ARFIP1: variants seen among roughly 807,000 people sequenced by gnomAD.
ARFIP1 encodes the protein ARF interacting protein 1, also known as arfaptin-1.
In ARFIP1, 24 loss-of-function variants were observed where a neutral mutation model predicts 42.5. The ratio of observed to expected loss-of-function variants is 0.57; its 90% CI spans 0.41 to 0.80. The LOEUF (loss-of-function observed/expected upper bound fraction) is 0.80. ARFIP1 is among the 30% of genes least tolerant of loss of function. The pLI is 0.00. For synonymous variants in ARFIP1, 141 were observed against 153.7 expected, an observed-to-expected ratio of 0.92 and a Z score of 0.61; for missense variants, 354 against 434.0, an observed-to-expected ratio of 0.82 and a Z score of 1.64.
chr4:152,880,496 C>T (rs1372179564), intron 5 of ARFIP1, among the ~76,000 whole-genome samples: 1 of 152,044 alleles, frequency 6.6e-6, no homozygotes, highest in African/African-American at 2.4e-5. Flanking sequence ...TCATTCCTTC[C>T]TTCCTGTTTC....
chr4:152,909,850 T>A (rs766336303), intron 8 of ARFIP1, among the ~76,000 whole-genome samples: 1 of 152,224 alleles, frequency 6.6e-6, no homozygotes, highest in Non-Finnish European at 1.5e-5. Context: ...ATCTTAAAAC[T>A]GACCTATTCT....
intron 8 of ARFIP1, among the ~76,000 whole-genome samples, chr4:152,896,851 T>C (rs541527368): frequency 6.6e-6 from 1 of 152,362 alleles, no homozygotes; most frequent in Admixed American, 6.5e-5. Context: ...AAATATAGTC[T>C]TTAATTTTCC....
At chr4:152,822,296 T>TA (rs70949618) in intron 1 of ARFIP1, among the ~76,000 whole-genome samples, 1,829 of 65,426 alleles carry the variant, frequency 0.028, 57 homozygotes, top group African/African-American at 0.07. Flanking sequence ...GCAACAGCAG[T>TA]AAAAAAAAAA....
chr4:152,787,671 C>T (rs1175818453), intron 1 of ARFIP1, among the ~76,000 whole-genome samples: 1 of 152,184 alleles, frequency 6.6e-6, no homozygotes, highest in African/African-American at 2.4e-5. Context: ...TGTATACAAA[C>T]TTTGTTTCAT....
intron 1 of ARFIP1, among the ~76,000 whole-genome samples, chr4:152,812,387 C>A (rs1729538472): frequency 6.6e-6 from 1 of 152,168 alleles, no homozygotes; most frequent in Non-Finnish European, 1.5e-5. Flanking sequence ...CAGACAGGGT[C>A]TCCCTATGTT....
intron 1 of ARFIP1, among the ~76,000 whole-genome samples, chr4:152,794,933 C>A (rs1731345513): frequency 6.6e-6 from 1 of 152,120 alleles, no homozygotes; most frequent in Non-Finnish European, 1.5e-5. Context: ...AAACCCCCAT[C>A]TGTTTTTGAA....
At chr4:152,826,433 G>A (rs555341051) in intron 1 of ARFIP1, among the ~76,000 whole-genome samples, 5 of 152,202 alleles carry the variant, frequency 3.3e-5, no homozygotes, top group South Asian at 4.2e-4. Context: ...GGTACACGAA[G>A]CCACACAGAG....
intron 1 of ARFIP1, among the ~76,000 whole-genome samples, chr4:152,803,533 G>A (rs1357624864): frequency 6.6e-6 from 1 of 152,130 alleles, no homozygotes; most frequent in East Asian, 1.9e-4. Flanking sequence ...AATGGTGGGT[G>A]GTGGGGAGGT....
chr4:152,906,368 C>T (rs189824291), intron 8 of ARFIP1, among the ~76,000 whole-genome samples: 1 of 152,350 alleles, frequency 6.6e-6, no homozygotes, highest in East Asian at 1.9e-4. Context: ...ATGCCTGCCC[C>T]TCTCACAGTC....
At position 152,877,082 on chromosome 4, in the gene ARFIP1, C is replaced by A. The variant is rs1735416577; in HGVS notation, c.412-3881C>A. The stretch of plus-strand genomic sequence containing the variant: ...AAGGGAATCGTGCGATCAGAGCCCC[C>A]CACACAGAGTCCCTACTGGGGCACC... On this transcript the variant is annotated intron_variant, in intron 5 of 8. Coordinates refer to ENST00000353617, the MANE Select transcript of ARFIP1 (RefSeq NM_001025595.3). Among the ~76,000 whole-genome samples the A allele has an allele frequency of 2.0e-5, 3 of 152,170 alleles. No homozygotes were observed. In the South Asian group the frequency reaches 6.2e-4, roughly 31 times the overall value.
At chr4:152,865,088 A>G (rs562644379) in intron 3 of ARFIP1, among the ~76,000 whole-genome samples, 5 of 152,046 alleles carry the variant, frequency 3.3e-5, no homozygotes, top group South Asian at 2.1e-4. Context: ...TGAAGAAACA[A>G]TTATGTCCAT....
chr4:152,830,091 A>G lies in ARFIP1; in HGVS notation c.93+365A>G, dbSNP rs113441487. Among the ~76,000 whole-genome samples, 545 of 152,312 alleles carry G rather than the reference A, an allele frequency of 3.6e-3. 1 individual carries two copies. Among genetic ancestry groups the G allele is most frequent in the Non-Finnish European group, 6.5e-3 (441 of 68,010 alleles). ...ATATGTCATTTAGTACATAATTTCT[A>G]AATAGCCACTTCTGATTTTGCTGTT... On this transcript the variant is annotated intron_variant, in intron 2 of 8. Coordinates refer to ENST00000353617, the MANE Select transcript of ARFIP1 (RefSeq NM_001025595.3).
chr4:152,793,749 TG>T (rs1238327473), intron 1 of ARFIP1, among the ~76,000 whole-genome samples: 1 of 152,188 alleles, frequency 6.6e-6, no homozygotes, highest in Admixed American at 6.5e-5. Context: ...TGATAAACTG[TG>T]GGAAGCTAAA....
At chr4:152,833,151 G>C (rs1731379105) in intron 2 of ARFIP1, among the ~76,000 whole-genome samples, 1 of 151,676 alleles carries the variant, frequency 6.6e-6, no homozygotes, top group Non-Finnish European at 1.5e-5. Context: ...ATCTGATAAA[G>C]TGTTAATATC....
chr4:152,897,317 G>GT (rs34316244), intron 8 of ARFIP1, among the ~76,000 whole-genome samples: 29,925 of 147,060 alleles, frequency 0.2, 3,247 homozygotes, highest in African/African-American at 0.31. Context: ...AATTCATATA[G>GT]TTTTTTTTTT....
chr4:152,862,525 C>A (rs1733976649), intron 2 of ARFIP1, among the ~76,000 whole-genome samples: 1 of 150,976 alleles, frequency 6.6e-6, no homozygotes, highest in Non-Finnish European at 1.5e-5. Flanking sequence ...TGTACCAGTA[C>A]ATCAAGAAAA....
intron 3 of ARFIP1, among the ~76,000 whole-genome samples, chr4:152,865,286 G>C (rs894995197): frequency 6.6e-6 from 1 of 151,954 alleles, no homozygotes; most frequent in Non-Finnish European, 1.5e-5. Flanking sequence ...ACAGGCGCCT[G>C]CCACCATGCC....
intron 8 of ARFIP1, among the ~76,000 whole-genome samples, chr4:152,890,612 G>T (rs1484760539): frequency 6.6e-6 from 1 of 152,118 alleles, no homozygotes; most frequent in Non-Finnish European, 1.5e-5. Context: ...GCACGACAGG[G>T]GTCGGAAAAC....
In ARFIP1 at chr4:152,909,172, G is replaced by A. The variant is rs113349638; in HGVS notation, c.967-892G>A. ...GGCTGAGGCAGGCAGATCACCTGAG[G>A]TCAGGAGTTTGAGACCAGCCTGGCC... is the stretch of plus-strand genomic sequence containing the variant. On this transcript the variant is annotated intron_variant, in intron 8 of 8. Transcript: ENST00000353617. 5.1e-3 allele frequency among the ~76,000 whole-genome samples: 771 copies of A among 152,196 alleles called. 4 individuals are homozygous for A. Among genetic ancestry groups the A allele is most frequent in the African/African-American group, 0.017 (724 of 41,516 alleles).
Sources: gnomAD v4.1 joint callset for allele counts (sites outside exome capture counted in the v4.1 genomes callset) on GRCh38, gnomAD v4.1.1 for gene constraint, MANE v1.5 for transcripts, NCBI Gene and HGNC (gene_info 2026-07-23, HGNC 2026-07-21) for gene names.